Variants in IHO1 observed in about 807,000 individuals in gnomAD.
IHO1 encodes the protein interactor of HORMAD1 1, also known as interactor of HORMAD1 protein 1.
In IHO1, 13 loss-of-function variants were observed where a neutral mutation model predicts 31.0. The observed-to-expected ratio is 0.42, with a 90% CI of 0.27 to 0.67. The LOEUF (loss-of-function observed/expected upper bound fraction) is 0.67. Among genes scored for constraint, IHO1 ranks in the 30% least tolerant of loss-of-function variants. IHO1 has a pLI of 0.24. For missense variants in IHO1, 599 were observed against 687.5 expected, an observed-to-expected ratio of 0.87 and a Z score of 1.44; for synonymous variants, 221 against 248.4, an observed-to-expected ratio of 0.89 and a Z score of 1.04.
intron 1 of IHO1, among the ~76,000 whole-genome samples, chr3:49,204,137 A>C (rs1457311426): frequency 6.6e-6 from 1 of 152,158 alleles, no homozygotes; most frequent in Non-Finnish European, 1.5e-5. Context: ...ACTCCGGTTT[A>C]CCCACTTACA....
intron 1 of IHO1, among the ~76,000 whole-genome samples, chr3:49,202,838 G>A (rs1310631933): frequency 6.7e-6 from 1 of 148,938 alleles, no homozygotes; most frequent in Non-Finnish European, 1.5e-5. Flanking sequence ...ACCACGTCCA[G>A]CTAATTTTTT....
intron 2 of IHO1, among the ~76,000 whole-genome samples, chr3:49,228,664 C>T (rs374856992): frequency 9.9e-5 from 15 of 152,222 alleles, no homozygotes; most frequent in East Asian, 9.6e-4. Context: ...TTCCTTCAGA[C>T]GTTTAGATGT....
chr3:49,214,805 AAT>A (rs931388433), intron 2 of IHO1, among the ~76,000 whole-genome samples: 1 of 149,500 alleles, frequency 6.7e-6, no homozygotes, highest in Non-Finnish European at 1.5e-5. Flanking sequence ...ACACCCAGCT[AAT>A]ATTTGTATTT....
chr3:49,248,417 A>AAAAAC lies in IHO1; in HGVS notation c.532+3709_532+3713dup, dbSNP rs139167372. Among the ~76,000 whole-genome samples, 1,112 of 148,928 alleles carry AAAAAC rather than the reference A, an allele frequency of 7.5e-3. 17 individuals are homozygous for AAAAAC. Among genetic ancestry groups the AAAAAC allele is most frequent in the African/African-American group, 0.025 (998 of 40,252 alleles). ...CTGGGCGATAGAACCAGACTCTCTC[A>AAAAAC]AAAACAAAACAAAACAAAACAAAAC... On this transcript the variant is annotated intron_variant, in intron 6 of 7. Transcript: ENST00000452691.
intron 3 of IHO1, among the ~76,000 whole-genome samples, chr3:49,237,061 CAA>C (rs1325552704): frequency 6.6e-6 from 1 of 150,692 alleles, no homozygotes; most frequent in Admixed American, 6.6e-5. Context: ...AAAAAAAAAA[CAA>C]ACAAGGCCAG....
chr3:49,248,656 G>T (rs1298955922), intron 6 of IHO1, among the ~76,000 whole-genome samples: 2 of 151,822 alleles, frequency 1.3e-5, no homozygotes, highest in African/African-American at 2.4e-5. Context: ...GAACCTGGGA[G>T]GCAGAGGTTT....
At chr3:49,234,992 G>C (rs1196899578) in intron 2 of IHO1, among the ~76,000 whole-genome samples, 1 of 149,950 alleles carries the variant, frequency 6.7e-6, no homozygotes, top group South Asian at 2.1e-4. Flanking sequence ...GATTACAGGT[G>C]TCTGCCACCA....
At chr3:49,248,844 T>A (rs2046727666) in intron 6 of IHO1, among the ~76,000 whole-genome samples, 2 of 152,162 alleles carry the variant, frequency 1.3e-5, no homozygotes, top group Admixed American at 1.3e-4. Flanking sequence ...TTCTCTTTCT[T>A]GGTAGGAAAT....
At chr3:49,194,806 G>A (rs981403979), upstream of IHO1, among the ~76,000 whole-genome samples, 1 of 151,930 alleles carries the variant, frequency 6.6e-6, no homozygotes, top group African/African-American at 2.4e-5. Flanking sequence ...TGAGGTGGGA[G>A]GATTGCTTGA....
At chr3:49,210,203 A>G (rs1397292665) in intron 1 of IHO1, among the ~76,000 whole-genome samples, 1 of 150,836 alleles carries the variant, frequency 6.6e-6, no homozygotes, top group Non-Finnish European at 1.5e-5. Flanking sequence ...TTGTTTATTT[A>G]TTTAAATTTT....
At chr3:49,193,123 C>A in the IHO1 span, among the ~76,000 whole-genome samples, 2 of 152,148 alleles carry the variant, frequency 1.3e-5, no homozygotes, top group Admixed American at 6.5e-5. Context: ...GTAATCCCAG[C>A]ACTTTGGGAG....
Position 49,244,638 on chromosome 3 carries a change from TTTC to T in IHO1, c.445-5_445-3del. 6.2e-7 allele frequency: 1 copy of T among 1,609,196 alleles called. No homozygotes were observed. The highest frequency in any genetic ancestry group is 8.5e-7 in the Non-Finnish European group (1 of 1,176,344). On this transcript the variant is annotated splice_polypyrimidine_tract_variant and splice_region_variant and intron_variant, in intron 5 of 7. Transcript: ENST00000452691. Reference sequence around the variant, plus strand: ...CTGTGAATTATTTCATAATTTTGGGTTTCTTAGTTGCAGACGTCTGTGGAAAAG... The same window carrying T: ...CTGTGAATTATTTCATAATTTTGGGTTTAGTTGCAGACGTCTGTGGAAAAG...
At chr3:49,218,584 G>A (rs2046317084) in intron 2 of IHO1, among the ~76,000 whole-genome samples, 1 of 151,954 alleles carries the variant, frequency 6.6e-6, no homozygotes, top group Non-Finnish European at 1.5e-5. Context: ...ATTTCACCAT[G>A]TTGGCCAGGC....
intron 3 of IHO1, among the ~76,000 whole-genome samples, chr3:49,240,884 G>T (rs774854519): frequency 6.6e-6 from 1 of 152,148 alleles, no homozygotes; most frequent in Non-Finnish European, 1.5e-5. Context: ...AGCAATTTGA[G>T]TTAAAATTAT....
intron 4 of IHO1, among the ~76,000 whole-genome samples, chr3:49,241,866 C>T (rs1434504053): frequency 6.6e-6 from 1 of 151,918 alleles, no homozygotes; most frequent in East Asian, 1.9e-4. Flanking sequence ...GTTGATCCAC[C>T]CATCTCAGCC....
At chr3:49,207,194 A>C (rs1447095383) in intron 1 of IHO1, among the ~76,000 whole-genome samples, 1 of 151,690 alleles carries the variant, frequency 6.6e-6, no homozygotes, top group Non-Finnish European at 1.5e-5. Context: ...TGTTGAAACT[A>C]GATCATGCAT....
chr3:49,229,844 A>T (rs555552370), intron 2 of IHO1, among the ~76,000 whole-genome samples: 2 of 152,184 alleles, frequency 1.3e-5, no homozygotes, highest in Non-Finnish European at 2.9e-5. Flanking sequence ...TAACTTCTGT[A>T]CCTATAAATT....
intron 2 of IHO1, 107 bp from the exon 3 acceptor site, chr3:49,236,441 A>G: frequency 1.3e-6 from 1 of 759,700 alleles, no homozygotes; most frequent in South Asian, 1.9e-5. Flanking sequence ...AGGTCAGAAC[A>G]AGCTATCATT....
intron 2 of IHO1, among the ~76,000 whole-genome samples, chr3:49,234,341 AT>A (rs907497489): frequency 1.0e-3 from 146 of 145,110 alleles, no homozygotes; most frequent in Admixed American, 9.0e-4. Context: ...TGCCCAGCTA[AT>A]TTTTTTTTTT....
Sources: gnomAD v4.1 joint callset for allele counts (sites outside exome capture counted in the v4.1 genomes callset) on GRCh38, gnomAD v4.1.1 for gene constraint, MANE v1.5 for transcripts, NCBI Gene and HGNC (gene_info 2026-07-23, HGNC 2026-07-21) for gene names.